The following EPHA3 variants were observed in gnomAD, a reference collection of about 807,000 sequenced individuals.
The protein encoded by EPHA3 is ephrin type-A receptor 3.
In EPHA3, 42 loss-of-function variants were observed where a neutral mutation model predicts 107.1. The observed-to-expected ratio is 0.39, with a 90% CI of 0.31 to 0.51. The LOEUF (loss-of-function observed/expected upper bound fraction) is 0.51. Ranked by LOEUF, EPHA3 falls within the 20% of genes least tolerant of loss-of-function variation. The pLI is 0.78. For synonymous variants in EPHA3, 461 were observed against 424.8 expected (o/e 1.09, Z -1.05); for missense variants, 1,183 against 1,211.2 (o/e 0.98, Z 0.35).
chr3:89,324,178 T>TA (rs1707110296), intron 3 of EPHA3, among the ~76,000 whole-genome samples: 3 of 146,458 alleles, frequency 2.0e-5, no homozygotes, highest in Non-Finnish European at 1.5e-5. Flanking sequence ...TTTTTTTTTT[T>TA]AATTTTTGAG....
chr3:89,235,722 C>G (rs1347259349), intron 3 of EPHA3, among the ~76,000 whole-genome samples: 1 of 151,878 alleles, frequency 6.6e-6, no homozygotes, highest in South Asian at 2.1e-4. Context: ...TATCATTTCT[C>G]TTTTAGGAAA....
intron 2 of EPHA3, among the ~76,000 whole-genome samples, chr3:89,178,608 G>C (rs1431958184): frequency 6.6e-6 from 1 of 151,874 alleles, no homozygotes; most frequent in Non-Finnish European, 1.5e-5. Flanking sequence ...ATATTGTTTA[G>C]ATGTTTTAGA....
chr3:89,272,256 A>G (rs1559627278), intron 3 of EPHA3, among the ~76,000 whole-genome samples: 1 of 150,238 alleles, frequency 6.7e-6, no homozygotes, highest in Non-Finnish European at 1.5e-5. Flanking sequence ...CCGTACTACC[A>G]TTTTTTTTGT....
chr3:89,208,423 G>GAAGGAAGGAAGGAAGGAAGGAAGA (rs74193305), intron 2 of EPHA3, among the ~76,000 whole-genome samples: 28 of 37,530 alleles, frequency 7.5e-4, no homozygotes, highest in African/African-American at 1.4e-3. Context: ...AGGAAGGAAG[G>GAAGGAAGGAAGGAAGGAAGGAAGA]AAGAAAGAAA....
intron 2 of EPHA3, among the ~76,000 whole-genome samples, chr3:89,178,203 T>A (rs1240666165): frequency 6.6e-6 from 1 of 152,012 alleles, no homozygotes; most frequent in Non-Finnish European, 1.5e-5. Context: ...TTACTAGGAA[T>A]AAATGACATT....
intron 1 of EPHA3, among the ~76,000 whole-genome samples, chr3:89,121,080 A>T (rs1352643896): frequency 6.6e-6 from 1 of 151,602 alleles, no homozygotes; most frequent in Non-Finnish European, 1.5e-5. Flanking sequence ...TCTACACAAA[A>T]ACAAAATTAG....
chr3:89,125,474 G>C (rs1208714986), intron 1 of EPHA3, among the ~76,000 whole-genome samples: 1 of 151,560 alleles, frequency 6.6e-6, no homozygotes, highest in African/African-American at 2.4e-5. Flanking sequence ...AATTGGTTGA[G>C]GGTATTTAAT....
chr3:89,240,465 A>G (rs1208257700), intron 3 of EPHA3, among the ~76,000 whole-genome samples: 1 of 152,148 alleles, frequency 6.6e-6, no homozygotes, highest in African/African-American at 2.4e-5. Context: ...CAGTTAATTA[A>G]GAAAATTACA....
At chr3:89,204,806 G>A (rs1314942364) in intron 2 of EPHA3, among the ~76,000 whole-genome samples, 1 of 152,072 alleles carries the variant, frequency 6.6e-6, no homozygotes, top group African/African-American at 2.4e-5. Context: ...AATACTTCCA[G>A]GACGAAGACT....
At chr3:89,220,224 G>A (rs573345253) in intron 3 of EPHA3, among the ~76,000 whole-genome samples, 2 of 152,274 alleles carry the variant, frequency 1.3e-5, no homozygotes, top group African/African-American at 2.4e-5. Context: ...TAAGGCTAAA[G>A]GTTCGAATTA....
chr3:89,326,315 C>T (rs1707165778), intron 3 of EPHA3, among the ~76,000 whole-genome samples: 1 of 152,090 alleles, frequency 6.6e-6, no homozygotes, highest in African/African-American at 2.4e-5. Context: ...AATGTAAATG[C>T]TAATAAGTGG....
intron 3 of EPHA3, among the ~76,000 whole-genome samples, chr3:89,301,245 G>C (rs551142887): frequency 5.9e-5 from 9 of 152,088 alleles, no homozygotes; most frequent in African/African-American, 4.8e-5. Context: ...TATTTTGAGT[G>C]TAGCAACATT....
At chr3:89,476,771 C>G (rs574589846) in intron 16 of EPHA3, among the ~76,000 whole-genome samples, 2 of 151,724 alleles carry the variant, frequency 1.3e-5, no homozygotes, top group Admixed American at 6.6e-5. Flanking sequence ...CCACGCCCCG[C>G]TAATTTTTTT....
At chr3:89,287,189 G>A (rs969448308) in intron 3 of EPHA3, among the ~76,000 whole-genome samples, 14 of 152,134 alleles carry the variant, frequency 9.2e-5, no homozygotes, top group African/African-American at 3.4e-4. Context: ...GTCAAGCACA[G>A]TTCTTAGTCT....
intron 5 of EPHA3, among the ~76,000 whole-genome samples, chr3:89,372,479 T>G (rs62275017): frequency 2.0e-5 from 3 of 151,636 alleles, no homozygotes; most frequent in Non-Finnish European, 4.4e-5. Context: ...AAAAAAACTT[T>G]GCAATTTGCA....
At chr3:89,416,960 A>G (rs916701382) in intron 10 of EPHA3, among the ~76,000 whole-genome samples, 10 of 151,462 alleles carry the variant, frequency 6.6e-5, no homozygotes, top group Non-Finnish European at 7.4e-5. Flanking sequence ...TTACATTAAC[A>G]TAGAATTTGG....
At chr3:89,223,999 T>C (rs1394643368) in intron 3 of EPHA3, among the ~76,000 whole-genome samples, 1 of 152,202 alleles carries the variant, frequency 6.6e-6, no homozygotes, top group African/African-American at 2.4e-5. Context: ...ACAGCTTTTG[T>C]GTGAATAATG....
chr3:89,303,103 C>T (rs1357660808), intron 3 of EPHA3, among the ~76,000 whole-genome samples: 3 of 152,016 alleles, frequency 2.0e-5, no homozygotes, highest in African/African-American at 7.2e-5. Flanking sequence ...ACCATGTTGC[C>T]CATGTTGGTC....
In EPHA3 at chr3:89,481,331, T is replaced by C. The variant is rs553082780; in HGVS notation, c.*1829T>C. 3 of 232,194 alleles carry C rather than the reference T, an allele frequency of 1.3e-5. No homozygotes were observed. Among genetic ancestry groups the C allele is most frequent in the African/African-American group, 6.6e-5 (3 of 45,430 alleles). The allele number at this position is 232,194 out of a possible 1,614,324, so 14.4% of individuals were successfully genotyped here. On this transcript the variant is annotated 3_prime_UTR_variant, in exon 17 of 17. Coordinates refer to ENST00000336596, the MANE Select transcript of EPHA3 (RefSeq NM_005233.6). ...CAAATCAGGCTACTAGAATTCTGTA[T>C]TGGATATATAAGAGCATGAAATTTT...
Sources: gnomAD v4.1 joint callset for allele counts (sites outside exome capture counted in the v4.1 genomes callset) on GRCh38, gnomAD v4.1.1 for gene constraint, MANE v1.5 for transcripts, NCBI Gene and HGNC (gene_info 2026-07-23, HGNC 2026-07-21) for gene names.